Variants in RPS6KC1 observed in about 807,000 individuals in gnomAD.
RPS6KC1 encodes the protein ribosomal protein S6 kinase C1.
Under a neutral mutation model 103.8 loss-of-function variants are expected in RPS6KC1, and 54 were observed. The observed-to-expected ratio is 0.52, with a 90% CI of 0.42 to 0.65. RPS6KC1 has a LOEUF of 0.65. Among genes scored for constraint, RPS6KC1 ranks in the 30% least tolerant of loss-of-function variants. RPS6KC1 has a pLI of 0.00. For synonymous variants in RPS6KC1, 439 were observed against 438.7 expected (o/e 1.00, Z -0.01); for missense variants, 1,151 against 1,253.8 (o/e 0.92, Z 1.24).
the RPS6KC1 span, among the ~76,000 whole-genome samples, chr1:213,461,509 A>G: frequency 9.8e-5 from 15 of 152,346 alleles, no homozygotes; most frequent in East Asian, 2.9e-3. Flanking sequence ...TGGAGGCATC[A>G]TGCTACCTGA....
chr1:213,668,041 A>G, the RPS6KC1 span, among the ~76,000 whole-genome samples: 1 of 152,180 alleles, frequency 6.6e-6, no homozygotes, highest in Admixed American at 6.5e-5. Context: ...CCTCAAAATC[A>G]TCTATGAGCA....
the RPS6KC1 span, among the ~76,000 whole-genome samples, chr1:213,762,631 C>G: frequency 6.6e-6 from 1 of 152,174 alleles, no homozygotes; most frequent in African/African-American, 2.4e-5. Context: ...CAAGAGATTT[C>G]TTTCCATGCT....
At chr1:213,720,988 ATGAAACTAT>A in the RPS6KC1 span, among the ~76,000 whole-genome samples, 3,323 of 152,338 alleles carry the variant, frequency 0.022, 71 homozygotes, top group Non-Finnish European at 0.034. Flanking sequence ...AGAAAATTCT[ATGAAACTAT>A]TGAAGAAGTA....
the RPS6KC1 span, among the ~76,000 whole-genome samples, chr1:213,843,187 G>A: frequency 3.9e-5 from 6 of 152,098 alleles, no homozygotes; most frequent in East Asian, 1.9e-4. Flanking sequence ...GATGAGATCC[G>A]CCCACATTTT....
intron 1 of RPS6KC1, among the ~76,000 whole-genome samples, chr1:213,060,792 A>T (rs575026228): frequency 6.6e-6 from 1 of 152,360 alleles, no homozygotes; most frequent in African/African-American, 2.4e-5. Flanking sequence ...GTATCTAGAG[A>T]TAACTTGCAG....
intron 8 of RPS6KC1, among the ~76,000 whole-genome samples, chr1:213,223,700 ACTT>A (rs1182530744): frequency 2.0e-5 from 3 of 152,018 alleles, no homozygotes; most frequent in African/African-American, 4.8e-5. Context: ...TCATATAATG[ACTT>A]CTTTTTCTTT....
chr1:213,391,630 C>A, the RPS6KC1 span, among the ~76,000 whole-genome samples: 1 of 152,156 alleles, frequency 6.6e-6, no homozygotes, highest in African/African-American at 2.4e-5. Flanking sequence ...ACTTACTGTT[C>A]AAACATCTTT....
the RPS6KC1 span, among the ~76,000 whole-genome samples, chr1:213,596,280 G>A: frequency 6.6e-6 from 1 of 152,224 alleles, no homozygotes; most frequent in South Asian, 2.1e-4. Context: ...TATGCCATGA[G>A]CTGATAGGAG....
At chr1:213,119,762 A>C (rs2084173323) in intron 5 of RPS6KC1, among the ~76,000 whole-genome samples, 1 of 151,980 alleles carries the variant, frequency 6.6e-6, no homozygotes, top group Admixed American at 6.6e-5. Flanking sequence ...GAAAGGGAGA[A>C]GCATGATTAT....
chr1:213,205,567 T>TATATATATATATATA (rs57191154), intron 8 of RPS6KC1, among the ~76,000 whole-genome samples: 40 of 138,622 alleles, frequency 2.9e-4, no homozygotes, highest in African/African-American at 7.3e-4. Context: ...TATATATATA[T>TATATATATATATATA]TTCAAAAGAA....
the RPS6KC1 span, among the ~76,000 whole-genome samples, chr1:213,298,301 TTAAACTA>T: frequency 2.0e-5 from 3 of 152,250 alleles, no homozygotes; most frequent in Non-Finnish European, 4.4e-5. Flanking sequence ...GGTATAGCAT[TTAAACTA>T]TAACTATTTT....
chr1:213,837,994 C>T, the RPS6KC1 span, among the ~76,000 whole-genome samples: 2 of 152,102 alleles, frequency 1.3e-5, no homozygotes, highest in African/African-American at 2.4e-5. Context: ...TCACGTTTTA[C>T]TATCATTTTC....
In RPS6KC1 at chr1:213,230,434, T is replaced by C; in HGVS notation, c.1045-63T>C. The C allele has an allele frequency of 3.2e-6, 4 of 1,247,708 alleles. No individual in the cohort carries two copies. In the South Asian group the frequency reaches 4.0e-5, roughly 13 times the overall value. 77.3% of individuals were successfully genotyped at this position (1,247,708 alleles called of 1,614,324 possible). A position where few individuals can be genotyped will look rare whatever the true frequency, so the allele number is the denominator to read the frequency against. ...CCTGCCCTACTCTTAAAGTTTAGTT[T>C]AAAGCTAAGAGTTAATGTTTCATTG... On this transcript the variant is annotated intron_variant, in intron 8 of 14. Coordinates refer to ENST00000366960, the MANE Select transcript of RPS6KC1 (RefSeq NM_012424.6).
chr1:213,787,446 G>C, the RPS6KC1 span, among the ~76,000 whole-genome samples: 1 of 152,156 alleles, frequency 6.6e-6, no homozygotes. Flanking sequence ...GAAATTCTGA[G>C]AGAGGAGTAT....
the RPS6KC1 span, among the ~76,000 whole-genome samples, chr1:213,453,640 G>A: frequency 6.6e-6 from 1 of 152,336 alleles, no homozygotes; most frequent in Admixed American, 6.5e-5. Flanking sequence ...AGGTTCAGGA[G>A]CTCAGGAAGG....
chr1:213,342,638 A>AT, the RPS6KC1 span, among the ~76,000 whole-genome samples: 75 of 151,528 alleles, frequency 4.9e-4, no homozygotes, highest in East Asian at 0.01. Flanking sequence ...GTTTGCAGCC[A>AT]TTTTTTTTCA....
At position 213,113,095 on chromosome 1, in the gene RPS6KC1, G is replaced by A. The variant is rs2083199193; in HGVS notation, c.379-4222G>A. Among the ~76,000 whole-genome samples the A allele has an allele frequency of 2.0e-5, 3 of 152,144 alleles. No individual in the cohort carries two copies. In the South Asian group the frequency reaches 6.2e-4, roughly 32 times the overall value. On this transcript the variant is annotated intron_variant, in intron 4 of 14. Coordinates refer to ENST00000366960, the MANE Select transcript of RPS6KC1 (RefSeq NM_012424.6). ...ATATACCCAGTAATGGGAAGGCTGG[G>A]TCAAATGGTATTTCTAGTTCTAGAT...
chr1:213,427,434 A>G, the RPS6KC1 span, among the ~76,000 whole-genome samples: 6 of 152,258 alleles, frequency 3.9e-5, no homozygotes, highest in East Asian at 1.9e-4. Flanking sequence ...TGCTTTGGCT[A>G]CTAGGAACCT....
intron 4 of RPS6KC1, among the ~76,000 whole-genome samples, chr1:213,106,169 G>A (rs1245362376): frequency 3.3e-5 from 5 of 152,028 alleles, no homozygotes; most frequent in Admixed American, 6.5e-5. Context: ...CGTGCTAGGC[G>A]GGAACAGGAT....
Sources: gnomAD v4.1 joint callset for allele counts (sites outside exome capture counted in the v4.1 genomes callset) on GRCh38, gnomAD v4.1.1 for gene constraint, MANE v1.5 for transcripts, NCBI Gene and HGNC (gene_info 2026-07-23, HGNC 2026-07-21) for gene names.